TMEM276: variants seen among roughly 807,000 people sequenced by gnomAD.
TMEM276 encodes the protein transmembrane protein 276.
chr8:144,465,214 AAG>A, the TMEM276 span: 1 of 1,229,016 alleles, frequency 8.1e-7, no homozygotes, highest in Non-Finnish European at 1.1e-6. Context: ...GGGCCTGGGG[AAG>A]AGAGAGCGGC....
At chr8:144,463,936 A>G in the TMEM276 span, 2 of 1,457,196 alleles carry the variant, frequency 1.4e-6, no homozygotes, top group Non-Finnish European at 1.8e-6. Context: ...TGTCCCTTTC[A>G]TTCTGGTCTA....
At chr8:144,464,782 G>A in the TMEM276 span, 19 of 1,610,854 alleles carry the variant, frequency 1.2e-5, no homozygotes, top group Non-Finnish European at 1.5e-5. Flanking sequence ...ATGGGGATGC[G>A]CCCCTGCTCA....
the TMEM276 span, chr8:144,466,538 C>T: frequency 1.7e-6 from 2 of 1,178,018 alleles, no homozygotes; most frequent in Admixed American, 4.4e-5. Flanking sequence ...GCTGGCCGTG[C>T]AGCCCGTCGT....
the TMEM276 span, chr8:144,466,491 G>C: frequency 7.6e-7 from 1 of 1,321,490 alleles, no homozygotes; most frequent in Non-Finnish European, 9.7e-7. Context: ...GCGCCGCGGC[G>C]GCCGCGGAGC....
chr8:144,465,056 C>T, the TMEM276 span: 1 of 1,531,594 alleles, frequency 6.5e-7, no homozygotes, highest in Non-Finnish European at 8.7e-7. Context: ...AGGAGAAGTT[C>T]AGTCCTAGAC....
At chr8:144,465,670 T>C in the TMEM276 span, 1 of 81,070 alleles carries the variant, frequency 1.2e-5, no homozygotes, top group African/African-American at 5.1e-5. Context: ...GTGGGCATAG[T>C]GGTTTGGAAG....
the TMEM276 span, chr8:144,464,767 G>C: frequency 6.2e-7 from 1 of 1,608,826 alleles, no homozygotes; most frequent in Non-Finnish European, 8.5e-7. Context: ...TGGGGTTTGG[G>C]AGGTATGGGG....
chr8:144,465,100 T>C, the TMEM276 span: 1 of 1,495,652 alleles, frequency 6.7e-7, no homozygotes, highest in African/African-American at 1.4e-5. Context: ...CACACACCTG[T>C]GGAGAAGAAG....
At chr8:144,464,982 G>A in the TMEM276 span, 88 of 1,563,128 alleles carry the variant, frequency 5.6e-5, no homozygotes, top group Non-Finnish European at 7.3e-5. Context: ...AGAAGCCAGC[G>A]ACCTGGAGCC....
At chr8:144,466,602 C>T in the TMEM276 span, 5 of 850,960 alleles carry the variant, frequency 5.9e-6, no homozygotes, top group Non-Finnish European at 6.3e-6. Flanking sequence ...GGGGCGGGCA[C>T]GGGGCGCGGG....
chr8:144,464,587 A>G, the TMEM276 span: 1 of 1,609,786 alleles, frequency 6.2e-7, no homozygotes, highest in Non-Finnish European at 8.5e-7. Context: ...CTGGAGCAGG[A>G]AGCCAGCAGC....
chr8:144,464,842 C>T, the TMEM276 span: 2 of 1,612,882 alleles, frequency 1.2e-6, no homozygotes, highest in Non-Finnish European at 1.7e-6. Flanking sequence ...GCAGAGACAC[C>T]ACTCCCAGCA....
At chr8:144,466,853 G>A in the TMEM276 span, 1 of 1,536,426 alleles carries the variant, frequency 6.5e-7, no homozygotes, top group East Asian at 2.4e-5. Context: ...GTGCGGGCTG[G>A]GAGTCCCGCG....
chr8:144,464,242 A>G, the TMEM276 span: 1 of 1,612,966 alleles, frequency 6.2e-7, no homozygotes, highest in Non-Finnish European at 8.5e-7. Context: ...GTCCTCCTCC[A>G]GCCGGCTCAG....
the TMEM276 span, chr8:144,464,001 TCAATGTGCAG>T: frequency 3.9e-6 from 6 of 1,519,138 alleles, no homozygotes. Flanking sequence ...CCCTGACCAG[TCAATGTGCAG>T]CAAACCCACT....
At chr8:144,466,372 G>C in the TMEM276 span, 4 of 815,876 alleles carry the variant, frequency 4.9e-6, no homozygotes, top group African/African-American at 7.4e-5. Flanking sequence ...TCTGGGCGCG[G>C]GGACGCGGGG....
the TMEM276 span, chr8:144,466,913 A>T: frequency 6.4e-7 from 1 of 1,566,240 alleles, no homozygotes; most frequent in African/African-American, 1.3e-5. Context: ...GGCCTGGCTC[A>T]AGCACGTGAC....
chr8:144,464,585 G>A, the TMEM276 span: 2 of 1,609,890 alleles, frequency 1.2e-6, no homozygotes, highest in Non-Finnish European at 1.7e-6. Flanking sequence ...ACCTGGAGCA[G>A]GAAGCCAGCA....
the TMEM276 span, chr8:144,464,741 C>G: frequency 6.9e-6 from 11 of 1,600,052 alleles, no homozygotes; most frequent in Non-Finnish European, 7.7e-6. Flanking sequence ...CTCTCTAATT[C>G]AGGAAACTAG....
Sources: allele counts gnomAD v4.1 joint callset, GRCh38; gene constraint gnomAD v4.1.1; transcripts MANE v1.5; gene names NCBI Gene and HGNC (gene_info 2026-07-23, HGNC 2026-07-21).